ST7: variants seen among roughly 807,000 people sequenced by gnomAD.
ST7 encodes suppressor of tumorigenicity 7 protein.
Under a neutral mutation model 78.7 loss-of-function variants are expected in ST7, and 28 were observed. The observed-to-expected ratio is 0.36, with a 90% CI of 0.26 to 0.49. The LOEUF (loss-of-function observed/expected upper bound fraction) is 0.49. ST7 is among the 20% of genes least tolerant of loss of function. ST7 has a pLI of 0.99. For missense variants in ST7, 418 were observed against 696.0 expected (o/e 0.60, Z 4.49); for synonymous variants, 247 against 249.6 (o/e 0.99, Z 0.10).
chr7:117,020,363 A>G (rs1795826060), intron 1 of ST7: 3 of 474,520 alleles, frequency 6.3e-6, no homozygotes, highest in African/African-American at 5.9e-5. Flanking sequence ...TTTCAAAAGC[A>G]GCTCTTCGGT....
At chr7:116,996,714 CAAATGAATA>C (rs1794676839) in intron 1 of ST7, among the ~76,000 whole-genome samples, 1 of 152,156 alleles carries the variant, frequency 6.6e-6, no homozygotes, top group African/African-American at 2.4e-5. Flanking sequence ...CCTCATGGTG[CAAATGAATA>C]ACTCCCTTTT....
At chr7:117,203,185 G>A in intron 12 of ST7, among the ~76,000 whole-genome samples, 1 of 152,248 alleles carries the variant, frequency 6.6e-6, no homozygotes. Flanking sequence ...AGCAGGTCAT[G>A]AAGGCCTTTT....
chr7:117,223,016 T>C, intron 15 of ST7: 1 of 1,458,636 alleles, frequency 6.9e-7, no homozygotes, highest in Non-Finnish European at 9.6e-7. Flanking sequence ...CCAAAACTGC[T>C]CCTCCTCCTG....
At chr7:117,099,158 G>A (rs965405899) in intron 1 of ST7, among the ~76,000 whole-genome samples, 2 of 143,934 alleles carry the variant, frequency 1.4e-5, no homozygotes, top group East Asian at 2.2e-4. Context: ...CATTTATTTC[G>A]ATGACCAGTT....
At chr7:116,974,292 C>CTTTT (rs888429847) in intron 1 of ST7, among the ~76,000 whole-genome samples, 1 of 143,986 alleles carries the variant, frequency 6.9e-6, no homozygotes, top group Non-Finnish European at 1.5e-5. Flanking sequence ...CTTTTCTTTT[C>CTTTT]TTTTTTTTTT....
intron 2 of ST7, 46 bp downstream of exon 2, chr7:117,099,890 T>TACACATATTACTA: frequency 6.8e-7 from 1 of 1,463,992 alleles, no homozygotes; most frequent in Non-Finnish European, 9.5e-7. Flanking sequence ...TGATTAGTAA[T>TACACATATTACTA]ATGTGTATTA....
chr7:117,097,606 G>A (rs1801154410), intron 1 of ST7, among the ~76,000 whole-genome samples: 1 of 151,584 alleles, frequency 6.6e-6, no homozygotes, highest in Admixed American at 6.6e-5. Context: ...TTACAGGCTT[G>A]AGCCACTATG....
chr7:117,182,112 G>A (rs1808814968), intron 10 of ST7, among the ~76,000 whole-genome samples: 1 of 152,096 alleles, frequency 6.6e-6, no homozygotes, highest in Admixed American at 6.6e-5. Context: ...ATCAGATCTT[G>A]GAAACACATA....
intron 7 of ST7, 84 bp from the exon 8 acceptor site, chr7:117,135,997 C>T (rs891797281): frequency 1.3e-6 from 2 of 1,494,784 alleles, no homozygotes; most frequent in African/African-American, 1.4e-5. Flanking sequence ...TGGCGTAACT[C>T]CTTGCCTTTC....
Position 117,164,526 on chromosome 7 carries a change from C to T in ST7, c.964-6336C>T, listed in dbSNP as rs928549497. On this transcript the variant is annotated intron_variant, in intron 9 of 15. Transcript: ENST00000323984. ...GACCCAGGAGATGAAGAAACCAAAG[C>T]TCAGAGAGGTAAATAATTTGTGCAA... Among the ~76,000 whole-genome samples, 13 of 152,016 alleles carry T rather than the reference C, an allele frequency of 8.6e-5. 1 individual carries two copies. Among genetic ancestry groups the T allele is most frequent in the Non-Finnish European group, 1.9e-4 (13 of 68,016 alleles).
intron 1 of ST7, among the ~76,000 whole-genome samples, chr7:117,093,302 C>A (rs1800771741): frequency 6.6e-6 from 1 of 152,196 alleles, no homozygotes; most frequent in Non-Finnish European, 1.5e-5. Flanking sequence ...GTGCTTGGCA[C>A]ATAGAAGATG....
intron 1 of ST7, among the ~76,000 whole-genome samples, chr7:116,995,018 C>G (rs1794590522): frequency 6.6e-6 from 1 of 151,984 alleles, no homozygotes; most frequent in South Asian, 2.1e-4. Flanking sequence ...TGGGAGGAAG[C>G]CTGGTAGGAG....
At chr7:117,154,736 A>G (rs1806558231) in intron 9 of ST7, among the ~76,000 whole-genome samples, 1 of 152,208 alleles carries the variant, frequency 6.6e-6, no homozygotes, top group Admixed American at 6.5e-5. Flanking sequence ...TATACCTCAT[A>G]GTTGTGCCCT....
intron 1 of ST7, among the ~76,000 whole-genome samples, chr7:117,044,851 C>T (rs907792048): frequency 6.6e-6 from 1 of 152,134 alleles, no homozygotes; most frequent in African/African-American, 2.4e-5. Flanking sequence ...ACCTGCTCAC[C>T]CAGTTGCCTA....
chr7:117,079,486 A>G (rs998143378), intron 1 of ST7, among the ~76,000 whole-genome samples: 1 of 152,234 alleles, frequency 6.6e-6, no homozygotes, highest in African/African-American at 2.4e-5. Context: ...ACACATATAA[A>G]TACTTTTTCT....
chr7:116,968,666 C>G (rs1023483001), intron 1 of ST7: 1 of 173,932 alleles, frequency 5.7e-6, no homozygotes, highest in African/African-American at 2.4e-5. Context: ...ATATTGAGCA[C>G]TCAGGGAAAG....
intron 1 of ST7, among the ~76,000 whole-genome samples, chr7:116,977,341 T>G (rs945599430): frequency 3.9e-5 from 6 of 152,168 alleles, no homozygotes; most frequent in African/African-American, 1.4e-4. Flanking sequence ...TTTCAATAAA[T>G]GGATTTCTGG....
intron 1 of ST7, among the ~76,000 whole-genome samples, chr7:116,998,933 G>C (rs533081870): frequency 1.3e-5 from 2 of 152,198 alleles, no homozygotes; most frequent in African/African-American, 4.8e-5. Flanking sequence ...GAATGTTTCA[G>C]GCAGAAGGAA....
intron 8 of ST7, chr7:117,137,374 T>C (rs1804880295): frequency 6.6e-6 from 1 of 152,172 alleles, no homozygotes; most frequent in South Asian, 2.1e-4. Flanking sequence ...AAAAAGTATT[T>C]TAGTGTAATG....
Sources: allele counts gnomAD v4.1 joint callset (sites outside exome capture counted in the v4.1 genomes callset), GRCh38; gene constraint gnomAD v4.1.1; transcripts MANE v1.5; gene names NCBI Gene and HGNC (gene_info 2026-07-23, HGNC 2026-07-21).